Variants in SH2D1A observed in about 807,000 individuals in gnomAD.
SH2D1A encodes the protein SH2 domain-containing protein 1A.
In SH2D1A, 6 loss-of-function variants were observed where a neutral mutation model predicts 10.1. The ratio of observed to expected loss-of-function variants is 0.60; its 90% CI spans 0.33 to 1.18. The LOEUF is 1.18. SH2D1A is among the 50% of genes most tolerant of loss of function. The probability of loss-of-function intolerance (pLI) is 0.04; values close to 1 mark genes in which losing one functional copy is unlikely to be tolerated. For missense variants in SH2D1A, 51 were observed against 97.6 expected, an observed-to-expected ratio of 0.52 and a Z score of 2.01; for synonymous variants, 42 against 36.9, an observed-to-expected ratio of 1.14 and a Z score of -0.51.
intron 1 of SH2D1A, among the ~76,000 whole-genome samples, chrX:124,355,042 G>A (rs368023170): frequency 5.3e-5 from 6 of 112,810 alleles, no homozygotes; most frequent in Admixed American, 2.8e-4. Flanking sequence ...GTTCTGAAAC[G>A]TTTGTTAAAA....
chrX:124,350,258 TA>T (rs1301988776), intron 1 of SH2D1A, among the ~76,000 whole-genome samples: 3 of 34,440 alleles, frequency 8.7e-5, no homozygotes, highest in Non-Finnish European at 1.3e-4. Context: ...ATATATAATA[TA>T]TAAATATATA....
chrX:124,352,481 T>C (rs780453542), intron 1 of SH2D1A, among the ~76,000 whole-genome samples: 5 of 111,863 alleles, frequency 4.5e-5, no homozygotes, highest in Non-Finnish European at 9.4e-5. Flanking sequence ...AAAAAATTCA[T>C]TGGACCAAAT....
chrX:124,354,964 C>T (rs1401827687), intron 1 of SH2D1A, among the ~76,000 whole-genome samples: 1 of 112,358 alleles, frequency 8.9e-6, no homozygotes, highest in Admixed American at 9.4e-5. Flanking sequence ...GTTTGGAAAG[C>T]TCTTGAATCA....
intron 1 of SH2D1A, among the ~76,000 whole-genome samples, chrX:124,361,679 T>C (rs1272758690): frequency 1.8e-5 from 2 of 111,920 alleles, no homozygotes; most frequent in Non-Finnish European, 3.8e-5. Context: ...TTGTTATAAA[T>C]GGTAAAGAAC....
At chrX:124,355,696 G>A (rs2147525450) in intron 1 of SH2D1A, among the ~76,000 whole-genome samples, 1 of 111,462 alleles carries the variant, frequency 9.0e-6, no homozygotes, top group African/African-American at 3.3e-5. Flanking sequence ...GCTCCAAATT[G>A]TAATTCTGCT....
chrX:124,364,982 A>G (rs1230948094), intron 1 of SH2D1A, among the ~76,000 whole-genome samples: 1 of 110,611 alleles, frequency 9.0e-6, no homozygotes, highest in African/African-American at 3.3e-5. Flanking sequence ...CTATGTTTAG[A>G]TAGGTTTAGA....
intron 1 of SH2D1A, among the ~76,000 whole-genome samples, chrX:124,352,250 A>G (rs1382039747): frequency 3.6e-5 from 4 of 111,293 alleles, no homozygotes; most frequent in African/African-American, 1.3e-4. Flanking sequence ...TATAAATACA[A>G]CTTCCATTCT....
Position 124,365,779 on chromosome X carries a change from T to C in SH2D1A, c.156T>C (p.Tyr52=), listed in dbSNP as rs1391332749. The C allele has an allele frequency of 8.5e-7, 1 of 1,176,625 alleles. No individual in the cohort carries two copies. ...CLCVLYHGYI[Y]TYRVSQTETG... ...TTCACAGGTATCACGGTTACATTTA[T>C]ACATACCGAGTGTCCCAGACAGAAA... Residue 52 remains tyrosine (Y), a synonymous_variant, in exon 2 of 4, where the codon TAT becomes TAC. Coordinates refer to ENST00000371139, the MANE Select transcript of SH2D1A (RefSeq NM_002351.5).
chrX:124,367,284 T>C (rs770204231), intron 2 of SH2D1A, among the ~76,000 whole-genome samples: 1 of 112,550 alleles, frequency 8.9e-6, no homozygotes, highest in South Asian at 3.7e-4. Flanking sequence ...CATTTTTTTC[T>C]ATCTACTAAA....
chrX:124,372,464 G>C lies in SH2D1A; in HGVS notation c.*1073G>C, dbSNP rs2060071868. 5.8e-6 allele frequency: 1 copy of C among 171,197 alleles called. No homozygotes were observed. 14.1% of individuals were successfully genotyped at this position (171,197 alleles called of 1,213,427 possible). A position where few individuals can be genotyped will look rare whatever the true frequency, so the allele number is the denominator to read the frequency against. On this transcript the variant is annotated 3_prime_UTR_variant, in exon 4 of 4. Transcript: ENST00000371139. The stretch of plus-strand genomic sequence containing the variant: ...CCTGCTCTCAGTTCACTGTCTTGTT[G>C]GACGAGAAAACAATAACGATAAAAG...
At chrX:124,359,429 A>G (rs2060034369) in intron 1 of SH2D1A, among the ~76,000 whole-genome samples, 1 of 111,835 alleles carries the variant, frequency 8.9e-6, no homozygotes, top group Admixed American at 9.5e-5. Context: ...CACCCTTATG[A>G]TACTGAATTA....
chrX:124,363,116 T>TA (rs1262380550), intron 1 of SH2D1A, among the ~76,000 whole-genome samples: 3 of 111,786 alleles, frequency 2.7e-5, no homozygotes, highest in Non-Finnish European at 3.8e-5. Flanking sequence ...AGCAGACTAA[T>TA]ACAGCAAGTA....
rs905152334 is a variant in SH2D1A at position 124,373,063 on chromosome X, A to C, written c.*1672A>C. 1 of 155,117 alleles carries C rather than the reference A, an allele frequency of 6.4e-6. No homozygotes were observed. Among genetic ancestry groups the C allele is most frequent in the African/African-American group, 3.0e-5 (1 of 32,883 alleles). The allele number at this position is 155,117 out of a possible 1,213,427, so 12.8% of individuals were successfully genotyped here. ...TCCTAAACATATGAATTATGTTTGC[A>C]TGTTCACTTCCAAGAGCCTTTTTTT... On this transcript the variant is annotated 3_prime_UTR_variant, in exon 4 of 4. Transcript: ENST00000371139.
chrX:124,354,773 A>C (rs1464672823), intron 1 of SH2D1A, among the ~76,000 whole-genome samples: 1 of 112,681 alleles, frequency 8.9e-6, no homozygotes, highest in African/African-American at 3.2e-5. Flanking sequence ...CAAAGTTAGA[A>C]CATCATAAGT....
intron 1 of SH2D1A, among the ~76,000 whole-genome samples, chrX:124,347,761 T>C (rs1174644509): frequency 8.9e-6 from 1 of 111,811 alleles, no homozygotes; most frequent in Admixed American, 9.5e-5. Context: ...ATGTAAGCTA[T>C]TGGTATTATT....
chrX:124,351,962 T>C (rs2060016288), intron 1 of SH2D1A, among the ~76,000 whole-genome samples: 1 of 111,113 alleles, frequency 9.0e-6, no homozygotes, highest in African/African-American at 3.3e-5. Context: ...GTTTTCTAAG[T>C]TTGGTGTTTG....
rs1390146663 is a variant in SH2D1A, at chrX:124,370,360, C to G, written c.346+40C>G. ...TAATTTTTGACAGGGTTTGGAAGCT[C>G]AGAGTTATGAGTCAACCTGTTCATA... On this transcript the variant is annotated intron_variant, in intron 3 of 3. Transcript: ENST00000371139. 5 of 1,091,333 alleles carry G rather than the reference C, an allele frequency of 4.6e-6. No homozygotes were observed. In the East Asian group the frequency reaches 1.5e-4, roughly 33 times the overall value. 89.9% of individuals were successfully genotyped at this position (1,091,333 alleles called of 1,213,427 possible). A position where few individuals can be genotyped will look rare whatever the true frequency, so the allele number is the denominator to read the frequency against.
chrX:124,352,876 T>C (rs1481596956), intron 1 of SH2D1A, among the ~76,000 whole-genome samples: 5 of 111,549 alleles, frequency 4.5e-5, no homozygotes, highest in Admixed American at 2.9e-4. Flanking sequence ...AGAGGTTGGC[T>C]AATGGGTACA....
rs1208503910 is a variant in SH2D1A at position 124,372,303 on chromosome X, C to T, written c.*912C>T. On this transcript the variant is annotated 3_prime_UTR_variant, in exon 4 of 4. Coordinates refer to ENST00000371139, the MANE Select transcript of SH2D1A (RefSeq NM_002351.5). ...CCTACACGAGATACAGAATTTTATGCGGCATTTTCTTCTCACATTTATATT... is the reference window on the plus strand; with the variant it reads ...CCTACACGAGATACAGAATTTTATGTGGCATTTTCTTCTCACATTTATATT... 1 of 168,723 alleles carries T rather than the reference C, an allele frequency of 5.9e-6. No homozygotes were observed. Among genetic ancestry groups the T allele is most frequent in the Non-Finnish European group, 1.1e-5 (1 of 87,530 alleles). The allele number at this position is 168,723 out of a possible 1,213,427, so 13.9% of individuals were successfully genotyped here.
Sources: allele counts gnomAD v4.1 joint callset (sites outside exome capture counted in the v4.1 genomes callset), GRCh38; gene constraint gnomAD v4.1.1; transcripts MANE v1.5; gene names NCBI Gene and HGNC (gene_info 2026-07-23, HGNC 2026-07-21).